The following MCTP1 variants were observed in gnomAD, a reference collection of about 807,000 sequenced individuals.
MCTP1 encodes multiple C2 and transmembrane domain-containing protein 1.
A neutral mutation model predicts 120.6 loss-of-function variants in MCTP1; 69 were observed. The observed-to-expected ratio is 0.57, with a 90% CI of 0.47 to 0.70. MCTP1 has a LOEUF of 0.70. Among genes scored for constraint, MCTP1 ranks in the 30% least tolerant of loss-of-function variants. MCTP1 has a pLI of 0.00. For synonymous variants in MCTP1, 529 were observed against 493.1 expected, an observed-to-expected ratio of 1.07 and a Z score of -0.96; for missense variants, 1,203 against 1,248.8, an observed-to-expected ratio of 0.96 and a Z score of 0.55.
rs568679136 is a variant in MCTP1, at chr5:95,166,462, G to A, written c.720+117394C>T. 8.4e-4 allele frequency among the ~76,000 whole-genome samples: 127 copies of A among 151,892 alleles called. 1 individual carries two copies. The highest frequency in any genetic ancestry group is 2.9e-3 in the African/African-American group (119 of 41,400). On this transcript the variant is annotated intron_variant, in intron 1 of 22. Coordinates refer to ENST00000515393, the MANE Select transcript of MCTP1 (RefSeq NM_024717.7). ...ACTGTCACTTAGCTAGATTCTTACCGTCTTGTCAAAAGCCACTCCATAATT... is the reference window on the plus strand; with the variant it reads ...ACTGTCACTTAGCTAGATTCTTACCATCTTGTCAAAAGCCACTCCATAATT...
intron 1 of MCTP1, among the ~76,000 whole-genome samples, chr5:95,208,113 A>G (rs1344362341): frequency 6.6e-6 from 1 of 152,014 alleles, no homozygotes; most frequent in African/African-American, 2.4e-5. Flanking sequence ...GTTTGAGAGG[A>G]AGTTTTGCTC....
chr5:95,075,793 T>C (rs1438223508), intron 1 of MCTP1, among the ~76,000 whole-genome samples: 1 of 152,232 alleles, frequency 6.6e-6, no homozygotes, highest in African/African-American at 2.4e-5. Context: ...CTCTCAGAAG[T>C]GACTATTCCC....
chr5:94,937,907 A>T (rs532908451), intron 5 of MCTP1, among the ~76,000 whole-genome samples: 14 of 152,156 alleles, frequency 9.2e-5, no homozygotes, highest in African/African-American at 3.4e-4. Flanking sequence ...AATACACAGG[A>T]TCTCAGGCAC....
intron 1 of MCTP1, among the ~76,000 whole-genome samples, chr5:95,034,353 A>G (rs957813631): frequency 6.6e-6 from 1 of 152,136 alleles, no homozygotes. Context: ...CCAAAGCAGC[A>G]CGGCACTGCT....
intron 1 of MCTP1, among the ~76,000 whole-genome samples, chr5:95,030,976 C>G (rs1189849109): frequency 2.0e-5 from 3 of 151,262 alleles, no homozygotes; most frequent in Non-Finnish European, 4.4e-5. Context: ...AAATAGAACT[C>G]CAGAATAGAA....
chr5:95,141,130 T>C (rs1201570508), intron 1 of MCTP1, among the ~76,000 whole-genome samples: 1 of 152,092 alleles, frequency 6.6e-6, no homozygotes, highest in Non-Finnish European at 1.5e-5. Context: ...GATTTGAAAC[T>C]TTTTTCACTT....
intron 17 of MCTP1, chr5:94,826,742 T>C (rs1002982256): frequency 5.5e-6 from 2 of 362,914 alleles, no homozygotes; most frequent in African/African-American, 4.3e-5. Context: ...TTAAAGTCTG[T>C]TTTATCAGAG....
At chr5:94,856,634 G>T (rs917172305) in intron 17 of MCTP1, among the ~76,000 whole-genome samples, 1 of 151,668 alleles carries the variant, frequency 6.6e-6, no homozygotes, top group African/African-American at 2.4e-5. Flanking sequence ...CCGATGAGAA[G>T]GGTGATAGCA....
intron 2 of MCTP1, among the ~76,000 whole-genome samples, chr5:95,003,196 A>G (rs1392905174): frequency 1.3e-5 from 2 of 152,170 alleles, no homozygotes; most frequent in African/African-American, 4.8e-5. Context: ...AGTCTTGGGT[A>G]TTTCTTATAG....
chr5:94,867,173 G>A, intron 17 of MCTP1: 1 of 1,315,484 alleles, frequency 7.6e-7, no homozygotes, highest in Non-Finnish European at 9.9e-7. Context: ...TTTATTATAA[G>A]AAAGAGCTAC....
intron 1 of MCTP1, among the ~76,000 whole-genome samples, chr5:95,123,400 C>G (rs952054355): frequency 4.6e-5 from 7 of 152,158 alleles, no homozygotes; most frequent in Non-Finnish European, 7.4e-5. Context: ...AGACTCATTG[C>G]AGGCCTCTCC....
chr5:94,982,326 A>G (rs1047056848), intron 2 of MCTP1, among the ~76,000 whole-genome samples: 1 of 152,144 alleles, frequency 6.6e-6, no homozygotes, highest in Non-Finnish European at 1.5e-5. Flanking sequence ...TACTGATACA[A>G]TAACAACAAA....
intron 2 of MCTP1, among the ~76,000 whole-genome samples, chr5:95,013,697 C>T (rs1435156159): frequency 6.6e-6 from 1 of 152,024 alleles, no homozygotes; most frequent in African/African-American, 2.4e-5. Flanking sequence ...GAAAAATAAT[C>T]CTTTTAAAAT....
At chr5:94,847,515 G>C (rs564757317) in intron 17 of MCTP1, among the ~76,000 whole-genome samples, 25 of 151,864 alleles carry the variant, frequency 1.6e-4, no homozygotes, top group African/African-American at 5.1e-4. Flanking sequence ...TCTGGAAATG[G>C]GATCTCTGAG....
chr5:94,778,377 T>C (rs1044184879), intron 19 of MCTP1, among the ~76,000 whole-genome samples: 1 of 152,104 alleles, frequency 6.6e-6, no homozygotes, highest in Non-Finnish European at 1.5e-5. Context: ...AGCATCACTA[T>C]CCTCCTTGCC....
chr5:94,937,420 C>T (rs1053890350), intron 5 of MCTP1, among the ~76,000 whole-genome samples: 3 of 151,706 alleles, frequency 2.0e-5, no homozygotes, highest in South Asian at 2.1e-4. Flanking sequence ...TGAAGAGATA[C>T]GATGAAGAGA....
chr5:94,834,974 C>T (rs907738870), intron 17 of MCTP1, among the ~76,000 whole-genome samples: 6 of 152,014 alleles, frequency 3.9e-5, no homozygotes, highest in Non-Finnish European at 8.8e-5. Context: ...AAGTGTGTGC[C>T]ACCACGCCCA....
chr5:95,095,915 A>T (rs1339378966), intron 1 of MCTP1, among the ~76,000 whole-genome samples: 2 of 152,154 alleles, frequency 1.3e-5, no homozygotes, highest in African/African-American at 4.8e-5. Context: ...CAGTGAAAAA[A>T]GGCCAGTGGT....
intron 1 of MCTP1, among the ~76,000 whole-genome samples, chr5:95,057,387 A>T (rs1582068480): frequency 6.6e-6 from 1 of 152,228 alleles, no homozygotes; most frequent in Non-Finnish European, 1.5e-5. Context: ...ATTTGGAATC[A>T]TAAAGGCCAG....
Sources: gnomAD v4.1 joint callset for allele counts (sites outside exome capture counted in the v4.1 genomes callset) on GRCh38, gnomAD v4.1.1 for gene constraint, MANE v1.5 for transcripts, NCBI Gene and HGNC (gene_info 2026-07-23, HGNC 2026-07-21) for gene names.